USP18: variants seen among roughly 807,000 people sequenced by gnomAD.
The protein encoded by USP18 is ubiquitin specific peptidase 18.
Under a neutral mutation model 48.7 loss-of-function variants are expected in USP18, and 11 were observed. The observed-to-expected ratio is 0.23, with a 90% CI of 0.14 to 0.37. The LOEUF is 0.37. Among genes scored for constraint, USP18 ranks in the 10% least tolerant of loss-of-function variants. USP18 has a pLI of 1.00. For missense variants in USP18, 285 were observed against 436.4 expected, an observed-to-expected ratio of 0.65 and a Z score of 3.09; for synonymous variants, 114 against 163.2, an observed-to-expected ratio of 0.70 and a Z score of 2.30.
chr22:18,173,075 G>T, intron 8 of USP18, 75 bp from the exon 9 acceptor site: 1 of 1,603,674 alleles, frequency 6.2e-7, no homozygotes, highest in Non-Finnish European at 8.5e-7. Flanking sequence ...CGGGCCTAGT[G>T]TGGGCAGGTA....
rs878870638 is a variant in USP18 at position 18,170,639 on chromosome 22, C to T, written c.724-114C>T. 69 of 1,318,956 alleles carry T rather than the reference C, an allele frequency of 5.2e-5. 21 individuals are homozygous for T. In the African/African-American group the frequency reaches 8.4e-4, roughly 16 times the overall value. 81.7% of individuals were successfully genotyped at this position (1,318,956 alleles called of 1,614,324 possible). On this transcript the variant is annotated intron_variant, in intron 7 of 10. Transcript: ENST00000215794. Reference sequence around the variant, plus strand: ...TTCGGCGAACAGGAGCCTTGAACTCCGTGATGTCGCCCCGCTCCCCTCTTT... The same window carrying T: ...TTCGGCGAACAGGAGCCTTGAACTCTGTGATGTCGCCCCGCTCCCCTCTTT...
intron 3 of USP18, among the ~76,000 whole-genome samples, chr22:18,160,767 CTTTTTTTTTTT>C (rs951642767): frequency 2.6e-5 from 3 of 114,488 alleles, no homozygotes; most frequent in Non-Finnish European, 5.3e-5. Flanking sequence ...AGTATTGGTA[CTTTTTTTTTTT>C]TTTTTTTTTT....
At chr22:18,152,635 C>T (rs1929028948) in intron 1 of USP18, among the ~76,000 whole-genome samples, 1 of 151,988 alleles carries the variant, frequency 6.6e-6, no homozygotes, top group Non-Finnish European at 1.5e-5. Context: ...TCCGCCCAGG[C>T]TGTTTTCTCT....
chr22:18,154,213 G>A (rs1221973977), intron 1 of USP18, among the ~76,000 whole-genome samples: 2 of 151,804 alleles, frequency 1.3e-5, no homozygotes, highest in Non-Finnish European at 2.9e-5. Flanking sequence ...CTCACTCTGA[G>A]CAGCATGTTA....
chr22:18,166,104 C>T (rs5993029), intron 4 of USP18, among the ~76,000 whole-genome samples: 59,401 of 151,756 alleles, frequency 0.39, 12,442 homozygotes, highest in African/African-American at 0.55. Flanking sequence ...CTCAGCTTTT[C>T]GCTGCATAGG....
chr22:18,170,456 G>A (rs986197040), intron 7 of USP18, among the ~76,000 whole-genome samples: 5 of 152,232 alleles, frequency 3.3e-5, no homozygotes, highest in African/African-American at 1.2e-4. Flanking sequence ...AGCCGGCAGG[G>A]CGTTTCCCTC....
Position 18,167,933 on chromosome 22 carries a change from C to T in USP18, c.524C>T (p.Ser175Phe). 3 of 1,613,954 alleles carry T rather than the reference C, an allele frequency of 1.9e-6. No individual in the cohort carries two copies. The highest frequency in any genetic ancestry group is 1.6e-4 in the Middle Eastern group (1 of 6,062). Residue 175 changes from serine to phenylalanine, a missense_variant, in exon 6 of 11, where the codon TCC (serine) becomes TTC (phenylalanine). Coordinates refer to ENST00000215794, the MANE Select transcript of USP18 (RefSeq NM_017414.4). ...QALYTIRVKD[S>F]LICVDCAMES... Reference sequence around the variant, plus strand: ...CTGTATACGATCCGGGTGAAGGACTCCTTGATTTGCGTTGACTGTGCCATG... The same window carrying T: ...CTGTATACGATCCGGGTGAAGGACTTCTTGATTTGCGTTGACTGTGCCATG...
chr22:18,160,605 A>G (rs1414513470), intron 3 of USP18, among the ~76,000 whole-genome samples: 3 of 151,836 alleles, frequency 2.0e-5, no homozygotes, highest in Non-Finnish European at 4.4e-5. Flanking sequence ...CCTGGCCTGT[A>G]TTATTTCATT....
chr22:18,167,109 C>T, intron 4 of USP18, 146 bp from the exon 5 acceptor site: 1 of 872,426 alleles, frequency 1.1e-6, no homozygotes, highest in Non-Finnish European at 1.8e-6. Context: ...TTGATCACTT[C>T]TTCTGTCGTG....
At chr22:18,154,577 T>A (rs1338639514) in intron 1 of USP18, among the ~76,000 whole-genome samples, 3 of 151,988 alleles carry the variant, frequency 2.0e-5, no homozygotes, top group African/African-American at 7.3e-5. Context: ...CTTCTCAGTA[T>A]TTGGGGCCAC....
intron 1 of USP18, among the ~76,000 whole-genome samples, chr22:18,153,202 G>T (rs867277041): frequency 2.0e-5 from 3 of 152,168 alleles, no homozygotes; most frequent in Non-Finnish European, 4.4e-5. Flanking sequence ...GCCGAGATGG[G>T]TGGATCACCT....
At chr22:18,160,146 A>G (rs1160855798) in intron 2 of USP18, 26 bp from the exon 3 acceptor site, 1 of 1,609,472 alleles carries the variant, frequency 6.2e-7, no homozygotes, top group Non-Finnish European at 8.5e-7. Flanking sequence ...CCTTGCCCTC[A>G]GCATTTTTTT....
intron 8 of USP18, among the ~76,000 whole-genome samples, chr22:18,171,884 A>G (rs1929637097): frequency 6.6e-6 from 1 of 152,150 alleles, no homozygotes. Context: ...TATACATTTC[A>G]TAGGATTCTC....
intron 1 of USP18, among the ~76,000 whole-genome samples, chr22:18,152,744 C>T (rs1036544749): frequency 6.6e-6 from 1 of 152,090 alleles, no homozygotes; most frequent in African/African-American, 2.4e-5. Context: ...CTTTCCTTTC[C>T]TTGCTGCCCC....
intron 10 of USP18, among the ~76,000 whole-genome samples, chr22:18,174,948 C>G (rs927368926): frequency 2.0e-5 from 3 of 151,850 alleles, no homozygotes; most frequent in African/African-American, 7.3e-5. Flanking sequence ...GAGTCTTGCT[C>G]TGTCACCCAG....
chr22:18,152,048 C>T (rs539285406), intron 1 of USP18, among the ~76,000 whole-genome samples: 65 of 151,596 alleles, frequency 4.3e-4, no homozygotes, highest in Non-Finnish European at 8.4e-4. Context: ...AGGGAGACTC[C>T]GTCTCAAAAA....
intron 4 of USP18, among the ~76,000 whole-genome samples, chr22:18,166,509 T>A (rs1163748635): frequency 6.6e-6 from 1 of 151,862 alleles, no homozygotes; most frequent in Admixed American, 6.6e-5. Flanking sequence ...CTTGTCTCTT[T>A]TGTTGGAAAA....
At chr22:18,168,082 C>T (rs752472312) in intron 6 of USP18, 46 bp downstream of exon 6, 5 of 1,604,802 alleles carry the variant, frequency 3.1e-6, no homozygotes, top group African/African-American at 1.3e-5. Flanking sequence ...TGTGTTAGTC[C>T]ATTTTCTGTT....
chr22:18,154,027 A>G (rs1286549137), intron 1 of USP18, among the ~76,000 whole-genome samples: 1 of 151,416 alleles, frequency 6.6e-6, no homozygotes, highest in African/African-American at 2.4e-5. Flanking sequence ...AGTAAACATG[A>G]GAGTGCAAAT....
Sources: gnomAD v4.1 joint callset for allele counts (sites outside exome capture counted in the v4.1 genomes callset) on GRCh38, gnomAD v4.1.1 for gene constraint, MANE v1.5 for transcripts, NCBI Gene and HGNC (gene_info 2026-07-23, HGNC 2026-07-21) for gene names.